The following VEGFA variants were observed in gnomAD, a reference collection of about 807,000 sequenced individuals.
The protein encoded by VEGFA is vascular endothelial growth factor A, also known as vascular endothelial growth factor A, long form.
Under a neutral mutation model 49.7 loss-of-function variants are expected in VEGFA, and 20 were observed. The ratio of observed to expected loss-of-function variants is 0.40; its 90% CI spans 0.28 to 0.58. VEGFA has a LOEUF of 0.58. Ranked by LOEUF, VEGFA falls within the 20% of genes least tolerant of loss-of-function variation. VEGFA has a pLI of 0.40. For synonymous variants in VEGFA, 219 were observed against 223.4 expected, an observed-to-expected ratio of 0.98 and a Z score of 0.18; for missense variants, 505 against 553.5, an observed-to-expected ratio of 0.91 and a Z score of 0.88.
chr6:43,777,176 G>A lies in VEGFA; in HGVS notation c.659-293G>A, dbSNP rs1765713448. 3 of 490,038 alleles carry A rather than the reference G, an allele frequency of 6.1e-6. No homozygotes were observed. The highest frequency in any genetic ancestry group is 1.1e-5 in the Non-Finnish European group (3 of 262,344). The allele number at this position is 490,038 out of a possible 1,614,324, so 30.4% of individuals were successfully genotyped here. A position where few individuals can be genotyped will look rare whatever the true frequency, so the allele number is the denominator to read the frequency against. On this transcript the variant is annotated intron_variant, in intron 2 of 7. Transcript: ENST00000672860. The surrounding 1 kb of genome is among the most constrained non-coding windows in gnomAD (Gnocchi z 4.3). ...GTCCTCTGGCATCGAGGTTGGCCCAGGATTCAGTTCAGCTGTCACAGTGAG... is the reference window on the plus strand; with the variant it reads ...GTCCTCTGGCATCGAGGTTGGCCCAAGATTCAGTTCAGCTGTCACAGTGAG...
rs1465046427 is a variant in VEGFA at position 43,781,985 on chromosome 6, A to T, written c.1064A>T (p.Lys355Met). ...TGTGGGCCTTGCTCAGAGCGGAGAA[A>T]GCATTTGTTTGTACAAGATCCGCAG... The change falls in exon 7 of 8, where the codon AAG (lysine) becomes ATG (methionine). Residue 355 changes from lysine to methionine, a missense_variant. Coordinates refer to ENST00000672860, the MANE Select transcript of VEGFA (RefSeq NM_003376.6). 6.2e-7 allele frequency: 1 copy of T among 1,614,056 alleles called. No homozygotes were observed. The highest frequency in any genetic ancestry group is 2.2e-5 in the East Asian group (1 of 44,866).
rs1193726870 is a variant in VEGFA at position 43,771,041 on chromosome 6, G to T, written c.335G>T (p.Gly112Val). The T allele has an allele frequency of 3.9e-6, 6 of 1,522,852 alleles. No individual in the cohort carries two copies. Among genetic ancestry groups the T allele is most frequent in the Non-Finnish European group, 5.3e-6 (6 of 1,135,042 alleles). 94.3% of individuals were successfully genotyped at this position (1,522,852 alleles called of 1,614,324 possible). ...GAGAGGGGGCCGCAGTGGCGACTCG[G>T]CGCTCGGAAGCCGGGCTCATGGACG... Residue 112 changes from glycine to valine, a missense_variant, in exon 1 of 8, where the codon GGC becomes GTC. By Grantham distance (109) the Gly-to-Val change is moderately radical. This residue lies in a region of VEGFA where 340 missense variants were observed against 321.8 expected (regional missense o/e 1.06). Coordinates refer to ENST00000672860, the MANE Select transcript of VEGFA (RefSeq NM_003376.6).
chr6:43,779,173 C>T (rs1043149522), intron 5 of VEGFA: 2 of 593,284 alleles, frequency 3.4e-6, no homozygotes, highest in Non-Finnish European at 6.0e-6. Flanking sequence ...CCAGATCATT[C>T]CTGACCAGGA....
At chr6:43,775,020 C>T in intron 2 of VEGFA, 1 of 163,064 alleles carries the variant, frequency 6.1e-6, no homozygotes, top group Admixed American at 5.7e-5. Context: ...TTGGATCCTC[C>T]CATTTCTCTG....
At chr6:43,778,098 C>T (rs946409732) in intron 3 of VEGFA, 3 of 461,734 alleles carry the variant, frequency 6.5e-6, no homozygotes, top group Non-Finnish European at 1.2e-5. Context: ...AGCTGTGAAA[C>T]ACAGGGAGGG....
At chr6:43,783,991 C>T (rs113873018) in intron 7 of VEGFA, 74 of 184,192 alleles carry the variant, frequency 4.0e-4, no homozygotes, top group African/African-American at 1.5e-3. Context: ...TCCTGCTCTA[C>T]GCTACCCCCT....
In VEGFA at chr6:43,785,493, G is replaced by A. The variant is rs970585789; in HGVS notation, c.*931G>A. The A allele has an allele frequency of 2.7e-5, 6 of 218,838 alleles. No individual in the cohort carries two copies. Among genetic ancestry groups the A allele is most frequent in the African/African-American group, 1.1e-4 (5 of 44,372 alleles). The allele number at this position is 218,838 out of a possible 1,614,324, so 13.6% of individuals were successfully genotyped here. A position where few individuals can be genotyped will look rare whatever the true frequency, so the allele number is the denominator to read the frequency against. On this transcript the variant is annotated 3_prime_UTR_variant, in exon 8 of 8. Transcript: ENST00000672860. The stretch of plus-strand genomic sequence containing the variant: ...CCAGGAGACCACTGGCAGATGTCCC[G>A]GCGAAGAGAAGAGACACATTGTTGG...
chr6:43,778,697 G>C, intron 4 of VEGFA, 161 bp downstream of exon 4: 1 of 980,854 alleles, frequency 1.0e-6, no homozygotes, highest in African/African-American at 1.6e-5. Context: ...TCTGTAAAAT[G>C]GGCACAATAG....
At chr6:43,782,680 C>A (rs1036766749) in intron 7 of VEGFA, 1 of 177,490 alleles carries the variant, frequency 5.6e-6, no homozygotes, top group East Asian at 1.5e-4. Context: ...CTGTGTCTCT[C>A]CCCTCCGACC....
chr6:43,779,498 T>C (rs901481192), intron 5 of VEGFA: 2 of 371,070 alleles, frequency 5.4e-6, no homozygotes, highest in African/African-American at 2.1e-5. Context: ...TAGGATGGGG[T>C]GGGGGACAAG....
chr6:43,777,448 G>C lies in VEGFA; in HGVS notation c.659-21G>C, dbSNP rs773186684. On this transcript the variant is annotated intron_variant, in intron 2 of 7. Transcript: ENST00000672860. This position sits in a 1 kb window ranked among gnomAD's most constrained non-coding sequence, Gnocchi z 4.3. ...CTTTTGTGTCGCCCACCGGGCTCAT[G>C]TGTCATCGCCTCTCATGCAGTGGTG... The C allele has an allele frequency of 6.2e-7, 1 of 1,613,406 alleles. No homozygotes were observed. Among genetic ancestry groups the C allele is most frequent in the Non-Finnish European group, 8.5e-7 (1 of 1,180,002 alleles).
intron 1 of VEGFA, chr6:43,772,182 A>T: frequency 1.7e-6 from 1 of 591,472 alleles, no homozygotes; most frequent in Non-Finnish European, 2.1e-6. Flanking sequence ...CAGTGCTAGG[A>T]GGAATTTCCT....
chr6:43,777,251 C>T lies in VEGFA; in HGVS notation c.659-218C>T, dbSNP rs889566128. ...CATGTCCCTTGGAACTTGAGTACATCGTGTGATCTCTGGAATGAAAACAGG... is the reference window on the plus strand; with the variant it reads ...CATGTCCCTTGGAACTTGAGTACATTGTGTGATCTCTGGAATGAAAACAGG... On this transcript the variant is annotated intron_variant, in intron 2 of 7. Transcript: ENST00000672860. This position sits in a 1 kb window ranked among gnomAD's most constrained non-coding sequence, Gnocchi z 4.3. 23 of 629,456 alleles carry T rather than the reference C, an allele frequency of 3.7e-5. No homozygotes were observed. Among genetic ancestry groups the T allele is most frequent in the Non-Finnish European group, 4.3e-5 (15 of 344,882 alleles). 39.0% of individuals were successfully genotyped at this position (629,456 alleles called of 1,614,324 possible).
chr6:43,778,991 C>G, intron 5 of VEGFA, 73 bp downstream of exon 5: 1 of 1,594,096 alleles, frequency 6.3e-7, no homozygotes, highest in East Asian at 2.2e-5. Context: ...TTGGCTACCT[C>G]TGTTGGGGGC....
chr6:43,774,472 A>G, intron 2 of VEGFA, 80 bp downstream of exon 2: 1 of 1,524,200 alleles, frequency 6.6e-7, no homozygotes, highest in Non-Finnish European at 9.1e-7. Flanking sequence ...TTTCTTCAGA[A>G]CTGTGGGGAG....
Position 43,771,225 on chromosome 6 carries a change from C to A in VEGFA, c.519C>A (p.Gly173=). 6.2e-7 allele frequency: 1 copy of A among 1,605,204 alleles called. No homozygotes were observed. Reference sequence around the variant, plus strand: ...GGAGAGGGAGCGCGAGCCGCGCCGGCCCCGGTCGGGCCTCCGAAACCATGA... The same window carrying A: ...GGAGAGGGAGCGCGAGCCGCGCCGGACCCGGTCGGGCCTCCGAAACCATGA... The change falls in exon 1 of 8, where the codon GGC becomes GGA. Residue 173 remains glycine (G), a synonymous_variant. Coordinates refer to ENST00000672860, the MANE Select transcript of VEGFA (RefSeq NM_003376.6).
At chr6:43,780,047 ACCT>A in intron 5 of VEGFA, 1 of 232,770 alleles carries the variant, frequency 4.3e-6, no homozygotes, top group South Asian at 5.8e-5. Flanking sequence ...TCCTCCCCAG[ACCT>A]CCTTAACTCC....
chr6:43,773,998 A>C lies in VEGFA; in HGVS notation c.607-343A>C. The C allele has an allele frequency of 4.9e-6, 2 of 410,510 alleles. No homozygotes were observed. Among genetic ancestry groups the C allele is most frequent in the Non-Finnish European group, 9.2e-6 (2 of 217,408 alleles). The allele number at this position is 410,510 out of a possible 1,614,324, so 25.4% of individuals were successfully genotyped here. On this transcript the variant is annotated intron_variant, in intron 1 of 7. Coordinates refer to ENST00000672860, the MANE Select transcript of VEGFA (RefSeq NM_003376.6). This position sits in a 1 kb window ranked among gnomAD's most constrained non-coding sequence, Gnocchi z 5.6. ...ACTTACCATGGCTTTGGACCAGGGA[A>C]CTAGGGGGATAGTGAGAGCAGGGAG...
chr6:43,780,976 G>T, intron 6 of VEGFA, 173 bp downstream of exon 6: 1 of 1,518,964 alleles, frequency 6.6e-7, no homozygotes, highest in Non-Finnish European at 9.0e-7. Flanking sequence ...GCACCAACGG[G>T]TAGATTTGGT....
Sources: allele counts gnomAD v4.1 joint callset, GRCh38; gene constraint gnomAD v4.1.1; regional missense constraint gnomAD v4.1.1; non-coding constraint Gnocchi (gnomAD v3.1); transcripts MANE v1.5; gene names NCBI Gene and HGNC (gene_info 2026-07-23, HGNC 2026-07-21).